The following FAN1 variants were observed in gnomAD, a reference collection of about 807,000 sequenced individuals.
FAN1 encodes the protein FANCD2 and FANCI associated nuclease 1.
A neutral mutation model predicts 104.9 loss-of-function variants in FAN1; 91 were observed. That is an observed-to-expected ratio of 0.87 (90% CI 0.73 to 1.03). The LOEUF is 1.03. Among genes scored for constraint, FAN1 ranks in the 50% least tolerant of loss-of-function variants. The pLI is 0.00. For missense variants in FAN1, 1,263 were observed against 1,239.9 expected (o/e 1.02, Z -0.28); for synonymous variants, 478 against 457.6 (o/e 1.04, Z -0.57).
rs2062555441 is a variant in FAN1, at chr15:30,929,401, A to G, written c.2787+4A>G. 1.3e-6 allele frequency: 2 copies of G among 1,591,362 alleles called. No individual in the cohort carries two copies. Among genetic ancestry groups the G allele is most frequent in the African/African-American group, 1.4e-5 (1 of 73,976 alleles). ...CACGTCTCTTCAGCAAGCTCAGGTAATGGTTCACCTGCATGGCAGGATTTG... is the reference window on the plus strand; with the variant it reads ...CACGTCTCTTCAGCAAGCTCAGGTAGTGGTTCACCTGCATGGCAGGATTTG... On this transcript the variant is annotated splice_donor_region_variant and intron_variant, in intron 12 of 14. Coordinates refer to ENST00000362065, the MANE Select transcript of FAN1 (RefSeq NM_014967.5).
rs537224956 is a variant in FAN1 at position 30,937,015 on chromosome 15, G to A, written c.2917-104G>A. On this transcript the variant is annotated intron_variant, in intron 13 of 14. Transcript: ENST00000362065. ...TTACACTTACAAATACAGTGAGAGAGCAGAAGAGCCATTTAAATAGTTGTC... is the reference window on the plus strand; with the variant it reads ...TTACACTTACAAATACAGTGAGAGAACAGAAGAGCCATTTAAATAGTTGTC... 12 of 855,248 alleles carry A rather than the reference G, an allele frequency of 1.4e-5. No individual in the cohort carries two copies. The African/African-American group carries it at 2.0e-4, about 14-fold the overall frequency. 53.0% of individuals were successfully genotyped at this position (855,248 alleles called of 1,614,324 possible).
In FAN1 at chr15:30,905,911, G is replaced by GT; in HGVS notation, c.1234+15dup. Reference sequence around the variant, plus strand: ...ATCAGTTATCAGGTATCTTACGCACGTGTTTGTTTTCAAGTTTTCATTCCC... The same window carrying GT: ...ATCAGTTATCAGGTATCTTACGCACGTTGTTTGTTTTCAAGTTTTCATTCCC... On this transcript the variant is annotated intron_variant, in intron 2 of 14. Coordinates refer to ENST00000362065, the MANE Select transcript of FAN1 (RefSeq NM_014967.5). 6.3e-7 allele frequency: 1 copy of GT among 1,599,732 alleles called. No homozygotes were observed. Among genetic ancestry groups the GT allele is most frequent in the Admixed American group, 1.7e-5 (1 of 59,078 alleles).
intron 14 of FAN1, chr15:30,940,331 C>T (rs72710416): frequency 0.018 from 17,899 of 985,388 alleles, 194 homozygotes; most frequent in Non-Finnish European, 0.02. Flanking sequence ...TCATTCTCCT[C>T]AACTTTGCTG....
At chr15:30,924,913 C>T (rs748253385) in intron 8 of FAN1, among the ~76,000 whole-genome samples, 55 of 152,232 alleles carry the variant, frequency 3.6e-4, no homozygotes, top group Non-Finnish European at 7.3e-4. Flanking sequence ...GGTCACGCTC[C>T]AGCACGTTGA....
chr15:30,933,753 CTTT>C (rs545200453), intron 13 of FAN1, among the ~76,000 whole-genome samples: 474 of 136,206 alleles, frequency 3.5e-3, no homozygotes, highest in African/African-American at 0.012. Flanking sequence ...TATTTCTTTT[CTTT>C]TTTTTTTTGT....
rs758312646 is a variant in FAN1 at position 30,913,919 on chromosome 15, C to T, written c.1639C>T (p.Arg547Cys). 43 of 1,614,042 alleles carry T rather than the reference C, an allele frequency of 2.7e-5. No homozygotes were observed. The highest frequency in any genetic ancestry group is 2.1e-4 in the African/African-American group (16 of 74,922). ...TAAAGGCCCCAGGGCTGTGTTTTCC[C>T]GCATCTTGCTACTGTTTTCGTTGAC... ...ICKGPRAVFS[R>C]ILLLFSLTDS... The change falls in exon 5 of 15, where the codon CGC (arginine) becomes TGC (cysteine). Residue 547 changes from arginine (R) to cysteine (C), a missense_variant. By Grantham distance (180) the Arg-to-Cys change is radical. This residue lies in a region of FAN1 where 581 missense variants were observed against 668.8 expected (regional missense o/e 0.87). Coordinates refer to ENST00000362065, the MANE Select transcript of FAN1 (RefSeq NM_014967.5).
intron 13 of FAN1, among the ~76,000 whole-genome samples, chr15:30,933,790 C>G (rs766344835): frequency 1.3e-5 from 2 of 151,292 alleles, no homozygotes; most frequent in African/African-American, 4.9e-5. Flanking sequence ...GACAGACTCT[C>G]ACTATCACCT....
chr15:30,930,781 G>A, intron 13 of FAN1, 110 bp downstream of exon 13: 1 of 1,376,304 alleles, frequency 7.3e-7, no homozygotes, highest in South Asian at 1.2e-5. Flanking sequence ...AATTCCTTGA[G>A]AGCTTTTGGG....
At chr15:30,929,778 AT>A (rs1378167483) in intron 12 of FAN1, among the ~76,000 whole-genome samples, 3 of 22,744 alleles carry the variant, frequency 1.3e-4, no homozygotes, top group African/African-American at 8.8e-4. Flanking sequence ...TATATAATAT[AT>A]TATATCATAT....
At chr15:30,930,173 C>T (rs1234091290) in intron 12 of FAN1, among the ~76,000 whole-genome samples, 1 of 151,516 alleles carries the variant, frequency 6.6e-6, no homozygotes, top group Non-Finnish European at 1.5e-5. Context: ...CTTTCTTTTG[C>T]TTGCCCTGTG....
In FAN1 at chr15:30,942,382, C is replaced by G. The variant is rs2063084973; in HGVS notation, c.*820C>G. Reference sequence around the variant, plus strand: ...GAAAAAACACTAGACCTGGCCGATTCTATCAAGAACAATGGCAAACTGAAC... The same window carrying G: ...GAAAAAACACTAGACCTGGCCGATTGTATCAAGAACAATGGCAAACTGAAC... On this transcript the variant is annotated 3_prime_UTR_variant, in exon 15 of 15. Coordinates refer to ENST00000362065, the MANE Select transcript of FAN1 (RefSeq NM_014967.5). 1 of 387,028 alleles carries G rather than the reference C, an allele frequency of 2.6e-6. No homozygotes were observed. The allele number at this position is 387,028 out of a possible 1,614,324, so 24.0% of individuals were successfully genotyped here. A position where few individuals can be genotyped will look rare whatever the true frequency, so the allele number is the denominator to read the frequency against.
At chr15:30,920,451 AAG>A in intron 6 of FAN1, 92 bp from the exon 7 acceptor site, 3 of 819,464 alleles carry the variant, frequency 3.7e-6, no homozygotes, top group South Asian at 3.0e-5. Context: ...ACCTTTTTAA[AAG>A]ATAGGAATTC....
intron 13 of FAN1, among the ~76,000 whole-genome samples, chr15:30,935,148 C>T (rs910553900): frequency 1.3e-5 from 2 of 151,670 alleles, no homozygotes; most frequent in Admixed American, 6.6e-5. Context: ...CTCTACAAAA[C>T]GATAAACAAA....
At chr15:30,933,225 A>G (rs1022818407) in intron 13 of FAN1, among the ~76,000 whole-genome samples, 10 of 151,918 alleles carry the variant, frequency 6.6e-5, no homozygotes, top group Non-Finnish European at 1.5e-4. Context: ...AGCTATGGTG[A>G]TTGCTTTGAG....
intron 3 of FAN1, among the ~76,000 whole-genome samples, chr15:30,909,100 T>G (rs1056024930): frequency 6.6e-6 from 1 of 151,420 alleles, no homozygotes; most frequent in Non-Finnish European, 1.5e-5. Context: ...TTCGTTGTCT[T>G]GTCAGTAGCA....
chr15:30,924,424 G>A (rs1034561980), intron 8 of FAN1, among the ~76,000 whole-genome samples: 5 of 152,162 alleles, frequency 3.3e-5, no homozygotes, highest in Non-Finnish European at 7.4e-5. Flanking sequence ...TTTTCACAGT[G>A]TTTACACCAG....
chr15:30,927,507 G>A (rs552028338), intron 10 of FAN1: 1 of 985,806 alleles, frequency 1.0e-6, no homozygotes, highest in East Asian at 1.1e-4. Flanking sequence ...GCAGGACAGA[G>A]GTGACCCAGG....
rs2293317 is a variant in FAN1 at position 30,929,155 on chromosome 15, C to T, written c.2593-48C>T. ...GTACTGACTAGTCCTCTGGTGAACA[C>T]GGCTCTCTGCAGGCACAGTATGACA... is the stretch of plus-strand genomic sequence containing the variant. On this transcript the variant is annotated intron_variant, in intron 11 of 14. Transcript: ENST00000362065. 10,143 of 1,556,980 alleles carry T rather than the reference C, an allele frequency of 6.5e-3. 46 individuals are homozygous for T. Among genetic ancestry groups the T allele is most frequent in the Non-Finnish European group, 7.4e-3 (8,487 of 1,140,908 alleles).
Position 30,915,780 on chromosome 15 carries a change from C to T in FAN1, c.1811+1689C>T, listed in dbSNP as rs546550012. Reference sequence around the variant, plus strand: ...ATAATGGGATTACAGTATTAAAAAGCAGGTTTTGATAAGAAAGAATAGTGT... The same window carrying T: ...ATAATGGGATTACAGTATTAAAAAGTAGGTTTTGATAAGAAAGAATAGTGT... On this transcript the variant is annotated intron_variant, in intron 5 of 14. Transcript: ENST00000362065. Among the ~76,000 whole-genome samples the T allele has an allele frequency of 6.6e-5, 10 of 151,854 alleles. 1 individual carries two copies. Among genetic ancestry groups the T allele is most frequent in the African/African-American group, 2.4e-4 (10 of 41,394 alleles).
Sources: gnomAD v4.1 joint callset for allele counts (sites outside exome capture counted in the v4.1 genomes callset) on GRCh38, gnomAD v4.1.1 for gene constraint, gnomAD v4.1.1 regional missense constraint, MANE v1.5 for transcripts, NCBI Gene and HGNC (gene_info 2026-07-23, HGNC 2026-07-21) for gene names.